CTIF: variants seen among roughly 807,000 people sequenced by gnomAD.
CTIF encodes cap binding complex dependent translation initiation factor, also known as CBP80/20-dependent translation initiation factor.
Under a neutral mutation model 66.0 loss-of-function variants are expected in CTIF, and 21 were observed. The observed-to-expected ratio is 0.32, with a 90% CI of 0.23 to 0.46. CTIF has a LOEUF of 0.46. Ranked by LOEUF, CTIF falls within the 20% of genes least tolerant of loss-of-function variation. CTIF has a pLI of 1.00. For missense variants in CTIF, 739 were observed against 812.7 expected (o/e 0.91, Z 1.10); for synonymous variants, 345 against 326.4 (o/e 1.06, Z -0.62).
At chr18:48,706,624 C>G (rs2092158564) in intron 6 of CTIF, among the ~76,000 whole-genome samples, 2 of 152,204 alleles carry the variant, frequency 1.3e-5, no homozygotes, top group African/African-American at 2.4e-5. Context: ...CTTAATCCCT[C>G]AGAAATACCC....
chr18:48,720,807 C>G (rs2092328142), intron 7 of CTIF, among the ~76,000 whole-genome samples: 1 of 152,160 alleles, frequency 6.6e-6, no homozygotes, highest in South Asian at 2.1e-4. Flanking sequence ...GCAGCTGCCT[C>G]AGGCCGCACT....
chr18:48,704,218 G>T (rs755130989), intron 6 of CTIF, among the ~76,000 whole-genome samples: 1 of 152,092 alleles, frequency 6.6e-6, no homozygotes, highest in African/African-American at 2.4e-5. Flanking sequence ...GGGACCATGT[G>T]CCTCAGAGAT....
chr18:48,772,254 A>G (rs577074984), intron 9 of CTIF, among the ~76,000 whole-genome samples: 1 of 152,232 alleles, frequency 6.6e-6, no homozygotes, highest in South Asian at 2.1e-4. Flanking sequence ...CAGAGGAGGA[A>G]GAGGGCAGGA....
intron 3 of CTIF, among the ~76,000 whole-genome samples, chr18:48,640,995 G>C (rs1249421751): frequency 6.6e-6 from 1 of 152,258 alleles, no homozygotes; most frequent in African/African-American, 2.4e-5. Context: ...AGGCTGACCA[G>C]CTGCCGGCAA....
intron 6 of CTIF, among the ~76,000 whole-genome samples, chr18:48,699,188 G>A (rs187561144): frequency 5.8e-4 from 89 of 152,264 alleles, no homozygotes; most frequent in African/African-American, 1.4e-3. Flanking sequence ...TGTCTCAGTC[G>A]AGTTTCTTGG....
intron 10 of CTIF, among the ~76,000 whole-genome samples, chr18:48,822,225 T>C (rs1208152418): frequency 2.6e-5 from 4 of 152,244 alleles, no homozygotes; most frequent in African/African-American, 7.2e-5. Context: ...TGGAGGTTAA[T>C]ATTTGTACAT....
intron 7 of CTIF, among the ~76,000 whole-genome samples, chr18:48,747,014 C>G (rs74358248): frequency 5.9e-5 from 9 of 152,056 alleles, no homozygotes; most frequent in Middle Eastern, 3.4e-3. Context: ...GCAATTTTGC[C>G]GCTAGATTTT....
At chr18:48,609,813 T>C (rs2090272845) in intron 1 of CTIF, among the ~76,000 whole-genome samples, 1 of 152,172 alleles carries the variant, frequency 6.6e-6, no homozygotes, top group African/African-American at 2.4e-5. Context: ...CAGTATGTCT[T>C]AGTTGGGAAG....
At chr18:48,648,103 C>A (rs1303049662) in intron 3 of CTIF, among the ~76,000 whole-genome samples, 1 of 149,388 alleles carries the variant, frequency 6.7e-6, no homozygotes, top group Non-Finnish European at 1.5e-5. Flanking sequence ...CTGTCCAGGA[C>A]AGGCTCAAAT....
At chr18:48,766,186 A>C (rs1214010289) in intron 9 of CTIF, among the ~76,000 whole-genome samples, 2 of 148,168 alleles carry the variant, frequency 1.3e-5, no homozygotes, top group Non-Finnish European at 3.0e-5. Flanking sequence ...TCAAACCGGA[A>C]TGTGCATATG....
chr18:48,820,604 G>C (rs1384021646), intron 10 of CTIF, among the ~76,000 whole-genome samples: 3 of 152,130 alleles, frequency 2.0e-5, no homozygotes, highest in East Asian at 3.9e-4. Context: ...AAGACCCCCT[G>C]CTCAGTGCAG....
At chr18:48,807,385 A>G (rs1204840020) in intron 9 of CTIF, among the ~76,000 whole-genome samples, 4 of 152,216 alleles carry the variant, frequency 2.6e-5, no homozygotes, top group Non-Finnish European at 5.9e-5. Context: ...TGTAGAGAAT[A>G]AAGGTCATCC....
At position 48,687,305 on chromosome 18, in the gene CTIF, G is replaced by GACACACACACACACACAC. The variant is rs3082465; in HGVS notation, c.507+16590_507+16607dup. Among the ~76,000 whole-genome samples the GACACACACACACACACAC allele has an allele frequency of 3.7e-4, 47 of 128,638 alleles. 1 individual carries two copies. Among genetic ancestry groups the GACACACACACACACACAC allele is most frequent in the South Asian group, 2.1e-3 (7 of 3,410 alleles). 84.4% of individuals were successfully genotyped at this position (128,638 alleles called of 152,430 possible). A position where few individuals can be genotyped will look rare whatever the true frequency, so the allele number is the denominator to read the frequency against. ...TGTTGTTCAAAGAACTCTAGGAGGG[G>GACACACACACACACACAC]ACACACACACACACACACACACACA... On this transcript the variant is annotated intron_variant, in intron 6 of 11. Transcript: ENST00000256413.
At chr18:48,610,729 T>G (rs1056914793) in intron 1 of CTIF, among the ~76,000 whole-genome samples, 5 of 152,330 alleles carry the variant, frequency 3.3e-5, no homozygotes, top group Admixed American at 3.3e-4. Context: ...TGAAAACTGG[T>G]CCAGCTCCTC....
chr18:48,599,107 GCTC>G (rs1167174062), intron 1 of CTIF, among the ~76,000 whole-genome samples: 1 of 152,176 alleles, frequency 6.6e-6, no homozygotes, highest in Non-Finnish European at 1.5e-5. Context: ...CTGCCGATCA[GCTC>G]ATGGGTGTTG....
chr18:48,855,334 A>C (rs1157235048), intron 10 of CTIF, among the ~76,000 whole-genome samples: 1 of 152,242 alleles, frequency 6.6e-6, no homozygotes, highest in Non-Finnish European at 1.5e-5. Flanking sequence ...ATTTTCATTC[A>C]TTCCACATTC....
chr18:48,560,051 G>T (rs536819062), intron 1 of CTIF, among the ~76,000 whole-genome samples: 89 of 152,226 alleles, frequency 5.8e-4, no homozygotes, highest in African/African-American at 2.1e-3. Context: ...CCAAGAAACA[G>T]GAAGGAGAGA....
intron 6 of CTIF, among the ~76,000 whole-genome samples, chr18:48,683,383 T>C (rs911726760): frequency 1.4e-4 from 21 of 149,372 alleles, no homozygotes; most frequent in African/African-American, 4.7e-4. Flanking sequence ...CCACTGTCCC[T>C]CCGAGCATCA....
chr18:48,707,550 C>T (rs2092172977), intron 6 of CTIF, among the ~76,000 whole-genome samples: 1 of 151,532 alleles, frequency 6.6e-6, no homozygotes, highest in Non-Finnish European at 1.5e-5. Context: ...CCTTGTCCTC[C>T]TCTTCTTCTT....
Sources: gnomAD v4.1 joint callset for allele counts (sites outside exome capture counted in the v4.1 genomes callset) on GRCh38, gnomAD v4.1.1 for gene constraint, MANE v1.5 for transcripts, NCBI Gene and HGNC (gene_info 2026-07-23, HGNC 2026-07-21) for gene names.